Variants in RAB27B observed in about 807,000 individuals in gnomAD.
RAB27B encodes RAB27B, member RAS oncogene family.
RAB27B carries 15 observed loss-of-function variants against 24.6 expected under a neutral mutation model. The ratio of observed to expected loss-of-function variants is 0.61; its 90% CI spans 0.41 to 0.94. RAB27B has a LOEUF of 0.94. Ranked by LOEUF, RAB27B falls within the 40% of genes least tolerant of loss-of-function variation. The probability of loss-of-function intolerance (pLI) is 0.00; values close to 1 mark genes in which losing one functional copy is unlikely to be tolerated. For synonymous variants in RAB27B, 105 were observed against 92.5 expected, an observed-to-expected ratio of 1.14 and a Z score of -0.78; for missense variants, 261 against 266.8, an observed-to-expected ratio of 0.98 and a Z score of 0.15.
At chr18:54,765,968 T>C (rs1908348551) in intron 2 of RAB27B, among the ~76,000 whole-genome samples, 1 of 152,208 alleles carries the variant, frequency 6.6e-6, no homozygotes, top group Non-Finnish European at 1.5e-5. Flanking sequence ...TAAACCAGTT[T>C]GTTTACAGCA....
chr18:54,884,213 A>G, intron 3 of RAB27B, 120 bp from the exon 4 acceptor site: 1 of 610,196 alleles, frequency 1.6e-6, no homozygotes, highest in Non-Finnish European at 2.9e-6. Flanking sequence ...CCATTTCCCT[A>G]AGATATTCCA....
chr18:54,733,659 C>A (rs564303877), intron 2 of RAB27B, among the ~76,000 whole-genome samples: 6 of 138,336 alleles, frequency 4.3e-5, no homozygotes, highest in East Asian at 2.3e-4. Flanking sequence ...AGCCCCCCCC[C>A]CCCAAATTTG....
intron 1 of RAB27B, among the ~76,000 whole-genome samples, chr18:54,858,678 C>A (rs891014832): frequency 2.0e-5 from 3 of 152,170 alleles, no homozygotes; most frequent in African/African-American, 7.2e-5. Context: ...CTGTGCCCAG[C>A]CAGGAAAACT....
In RAB27B at chr18:54,891,947, G is replaced by A. The variant is rs1913384405; in HGVS notation, c.*2534G>A. The A allele has an allele frequency of 1.3e-5, 2 of 151,994 alleles. No homozygotes were observed. Among genetic ancestry groups the A allele is most frequent in the Non-Finnish European group, 2.9e-5 (2 of 67,954 alleles). 9.4% of individuals were successfully genotyped at this position (151,994 alleles called of 1,614,324 possible). A position where few individuals can be genotyped will look rare whatever the true frequency, so the allele number is the denominator to read the frequency against. ...ATAAAAAATTTTCTCCATAAAGTTT[G>A]ACATCTGACCCCAGATTCTATGTAA... On this transcript the variant is annotated 3_prime_UTR_variant, in exon 6 of 6. Transcript: ENST00000262094.
intron 1 of RAB27B, among the ~76,000 whole-genome samples, chr18:54,866,687 A>G (rs1440648995): frequency 6.6e-6 from 1 of 152,192 alleles, no homozygotes; most frequent in African/African-American, 2.4e-5. Flanking sequence ...TCCCTCAGAC[A>G]GGTAATGTTT....
intron 1 of RAB27B, among the ~76,000 whole-genome samples, chr18:54,836,083 G>A (rs372206416): frequency 1.3e-5 from 2 of 151,948 alleles, no homozygotes; most frequent in African/African-American, 4.9e-5. Flanking sequence ...ACTAGGTGCA[G>A]GTACACCAAC....
intron 2 of RAB27B, among the ~76,000 whole-genome samples, chr18:54,790,543 T>TTAGTAAA (rs1909216561): frequency 6.6e-6 from 1 of 152,136 alleles, no homozygotes; most frequent in South Asian, 2.1e-4. Context: ...AATGAAAAAT[T>TTAGTAAA]TAGTAAACAG....
chr18:54,810,363 A>G (rs1909923278), intron 2 of RAB27B, among the ~76,000 whole-genome samples: 1 of 152,206 alleles, frequency 6.6e-6, no homozygotes, highest in African/African-American at 2.4e-5. Flanking sequence ...AGTATGTGTC[A>G]GGTATGCAAC....
Position 54,764,667 on chromosome 18 carries a change from T to C in RAB27B, c.-20+46526T>C, listed in dbSNP as rs117418398. 1.1e-4 allele frequency among the ~76,000 whole-genome samples: 17 copies of C among 152,326 alleles called. No homozygotes were observed. The East Asian group carries it at 3.1e-3, about 28-fold the overall frequency. The stretch of plus-strand genomic sequence containing the variant: ...CCTATTCTCTCTTAGAATTTTCCTT[T>C]CTCTGTGACTGACACTACAACTATC... On this transcript the variant is annotated intron_variant, in intron 2 of 4. Transcript: ENST00000586570.
intron 1 of RAB27B, among the ~76,000 whole-genome samples, chr18:54,855,955 G>A (rs988003563): frequency 6.6e-6 from 1 of 152,178 alleles, no homozygotes; most frequent in Non-Finnish European, 1.5e-5. Context: ...TATTAGTGTT[G>A]TCAGCAACAT....
At chr18:54,790,650 G>A (rs1909220520) in intron 2 of RAB27B, among the ~76,000 whole-genome samples, 2 of 152,058 alleles carry the variant, frequency 1.3e-5, no homozygotes, top group Admixed American at 6.5e-5. Flanking sequence ...TGTATAAGGT[G>A]TGCACATTCT....
chr18:54,842,770 AT>A (rs1911167522), intron 1 of RAB27B, among the ~76,000 whole-genome samples: 1 of 152,158 alleles, frequency 6.6e-6, no homozygotes, highest in Non-Finnish European at 1.5e-5. Context: ...AGACAAAAGT[AT>A]TTGTTGCAAG....
At chr18:54,872,976 A>G (rs1912537703) in intron 1 of RAB27B, among the ~76,000 whole-genome samples, 1 of 152,246 alleles carries the variant, frequency 6.6e-6, no homozygotes, top group Admixed American at 6.5e-5. Flanking sequence ...AGGAGCTGAG[A>G]GATAGAGTGG....
chr18:54,778,934 G>A (rs1215794279), intron 2 of RAB27B, among the ~76,000 whole-genome samples: 2 of 151,706 alleles, frequency 1.3e-5, no homozygotes, highest in Admixed American at 6.6e-5. Flanking sequence ...TGCACCCCCA[G>A]GTTCAAGCAA....
chr18:54,782,087 C>T (rs950652958), intron 2 of RAB27B, among the ~76,000 whole-genome samples: 2 of 152,148 alleles, frequency 1.3e-5, no homozygotes, highest in African/African-American at 4.8e-5. Flanking sequence ...ATTATTTACT[C>T]TTGGCTATCA....
chr18:54,845,384 G>A (rs1459605625), intron 1 of RAB27B, among the ~76,000 whole-genome samples: 1 of 123,978 alleles, frequency 8.1e-6, no homozygotes, highest in African/African-American at 3.1e-5. Flanking sequence ...TCCAGCCTGG[G>A]CGATAAGTGA....
intron 2 of RAB27B, among the ~76,000 whole-genome samples, chr18:54,759,238 G>A (rs1309187839): frequency 1.3e-5 from 2 of 152,100 alleles, no homozygotes; most frequent in Non-Finnish European, 2.9e-5. Flanking sequence ...CATACATGAA[G>A]TCTTTCCTGA....
intron 2 of RAB27B, among the ~76,000 whole-genome samples, chr18:54,807,474 G>T (rs1279124153): frequency 1.3e-5 from 2 of 152,096 alleles, no homozygotes; most frequent in African/African-American, 4.8e-5. Flanking sequence ...TCGGGAACTT[G>T]GAGCTTTACA....
At chr18:54,831,259 C>T (rs867815441) in intron 1 of RAB27B, among the ~76,000 whole-genome samples, 1 of 151,954 alleles carries the variant, frequency 6.6e-6, no homozygotes, top group Non-Finnish European at 1.5e-5. Flanking sequence ...TGGAATGATC[C>T]ATGTAGATAT....
Sources: gnomAD v4.1 joint callset for allele counts (sites outside exome capture counted in the v4.1 genomes callset) on GRCh38, gnomAD v4.1.1 for gene constraint, MANE v1.5 for transcripts, NCBI Gene and HGNC (gene_info 2026-07-23, HGNC 2026-07-21) for gene names.